Variants in MSI2 observed in about 807,000 individuals in gnomAD.
MSI2 encodes the protein musashi RNA binding protein 2, also known as RNA-binding protein Musashi homolog 2.
MSI2 carries 17 observed loss-of-function variants against 45.6 expected under a neutral mutation model. That is an observed-to-expected ratio of 0.37 (90% confidence interval 0.26 to 0.56). MSI2 has a LOEUF of 0.56. Among genes scored for constraint, MSI2 ranks in the 20% least tolerant of loss-of-function variants. MSI2 has a pLI of 0.77. For synonymous variants in MSI2, 156 were observed against 158.2 expected, an observed-to-expected ratio of 0.99 and a Z score of 0.11; for missense variants, 293 against 444.2, an observed-to-expected ratio of 0.66 and a Z score of 3.06.
chr17:57,430,363 T>C (rs1373257876), intron 6 of MSI2, among the ~76,000 whole-genome samples: 1 of 152,210 alleles, frequency 6.6e-6, no homozygotes, highest in African/African-American at 2.4e-5. Context: ...CTTTCTCTTA[T>C]CATGTGGTTG....
chr17:57,492,410 A>T (rs2332931), intron 6 of MSI2, among the ~76,000 whole-genome samples: 134,956 of 152,272 alleles, frequency 0.89, 59,963 homozygotes, highest in African/African-American at 0.96. Flanking sequence ...GCATTTGACC[A>T]GATCAATACT....
At chr17:57,574,816 T>TTCTC (rs1215258793) in intron 7 of MSI2, among the ~76,000 whole-genome samples, 1 of 150,782 alleles carries the variant, frequency 6.6e-6, no homozygotes, top group South Asian at 2.1e-4. Context: ...AAATTCTGCA[T>TTCTC]TCTCTCTCTC....
intron 7 of MSI2, among the ~76,000 whole-genome samples, chr17:57,571,242 C>T (rs1250252267): frequency 2.0e-5 from 3 of 152,210 alleles, no homozygotes; most frequent in African/African-American, 7.2e-5. Flanking sequence ...CCTTTTACTG[C>T]CTGTCACTGT....
intron 5 of MSI2, among the ~76,000 whole-genome samples, chr17:57,316,409 C>T (rs1348287492): frequency 6.6e-6 from 1 of 151,496 alleles, no homozygotes; most frequent in Non-Finnish European, 1.5e-5. Context: ...CTCACTGTAC[C>T]CTTGACCTCC....
intron 6 of MSI2, among the ~76,000 whole-genome samples, chr17:57,507,223 C>CTGTGTGTG (rs1436640773): frequency 3.6e-4 from 40 of 109,886 alleles, no homozygotes; most frequent in South Asian, 2.3e-3. Context: ...GTCTTTGTCT[C>CTGTGTGTG]TCTGTGTGTG....
chr17:57,403,655 C>T (rs1460500784), intron 6 of MSI2, among the ~76,000 whole-genome samples: 2 of 152,044 alleles, frequency 1.3e-5, no homozygotes, highest in Admixed American at 6.6e-5. Context: ...AGGTTCTGTG[C>T]ATTATTTGTG....
intron 6 of MSI2, among the ~76,000 whole-genome samples, chr17:57,452,550 T>A (rs1238072005): frequency 6.6e-6 from 1 of 152,248 alleles, no homozygotes; most frequent in East Asian, 1.9e-4. Flanking sequence ...TCTGCTTGCT[T>A]CCACTCTGTA....
intron 6 of MSI2, among the ~76,000 whole-genome samples, chr17:57,505,845 G>A (rs1002128555): frequency 2.0e-5 from 3 of 152,220 alleles, no homozygotes; most frequent in African/African-American, 7.2e-5. Flanking sequence ...TTCTGTGGCT[G>A]TAGATTTCTT....
intron 10 of MSI2, among the ~76,000 whole-genome samples, chr17:57,647,448 CAAA>C (rs573792115): frequency 3.1e-5 from 4 of 128,450 alleles, no homozygotes; most frequent in Admixed American, 1.6e-4. Flanking sequence ...GACTCTGTCT[CAAA>C]AAAAAAAAAA....
At chr17:57,700,365 TA>T in the MSI2 span, among the ~76,000 whole-genome samples, 1 of 152,242 alleles carries the variant, frequency 6.6e-6, no homozygotes, top group Non-Finnish European at 1.5e-5. Flanking sequence ...AATGATTCAA[TA>T]GGTGCTTTGA....
In MSI2 at chr17:57,262,000, T is replaced by A. The variant is rs775391579; in HGVS notation, c.271-151T>A. 306 of 742,316 alleles carry A rather than the reference T, an allele frequency of 4.1e-4. 2 individuals carry two copies. Among genetic ancestry groups the A allele is most frequent in the Middle Eastern group, 2.1e-3 (6 of 2,906 alleles). The allele number at this position is 742,316 out of a possible 1,614,324, so 46.0% of individuals were successfully genotyped here. A position where few individuals can be genotyped will look rare whatever the true frequency, so the allele number is the denominator to read the frequency against. On this transcript the variant is annotated intron_variant, in intron 4 of 13. Coordinates refer to ENST00000284073, the MANE Select transcript of MSI2 (RefSeq NM_138962.4). ...GTTGGAGGGATGGTTAAAGTTGAGA[T>A]CAAAGTTTAAGAAACTTTTGAGTTG...
At chr17:57,629,335 A>C (rs1909129056) in intron 10 of MSI2, 1 of 152,256 alleles carries the variant, frequency 6.6e-6, no homozygotes, top group Non-Finnish European at 1.5e-5. Flanking sequence ...AGGCTGAGGC[A>C]AGAGAATCAC....
At chr17:57,279,494 C>T (rs1774818123) in intron 5 of MSI2, 1 of 152,176 alleles carries the variant, frequency 6.6e-6, no homozygotes, top group African/African-American at 2.4e-5. Context: ...TTGATTTGCT[C>T]ATTATGCAAC....
chr17:57,596,875 C>A lies in MSI2; in HGVS notation c.462C>A (p.Gly154=). ...DKTTNRHRGF[G]FVTFENEDVV... is the part of the protein sequence containing the mutation. ...CTCTCTCTTTTCCTTTAGGGTTTGG[C>A]TTTGTCACTTTTGAGAATGAAGATG... Residue 154 remains glycine (G), a synonymous_variant, in exon 8 of 14, where the codon GGC becomes GGA. Transcript: ENST00000284073. The surrounding 1 kb of genome is among the most constrained non-coding windows in gnomAD (Gnocchi z 4.6). 6.2e-7 allele frequency: 1 copy of A among 1,612,218 alleles called. No individual in the cohort carries two copies. Among genetic ancestry groups the A allele is most frequent in the Non-Finnish European group, 8.5e-7 (1 of 1,178,350 alleles).
intron 7 of MSI2, among the ~76,000 whole-genome samples, chr17:57,546,974 G>A (rs2087183481): frequency 6.6e-6 from 1 of 152,242 alleles, no homozygotes. Context: ...GTACTGCTGA[G>A]GGCTAAGAAG....
intron 5 of MSI2, among the ~76,000 whole-genome samples, chr17:57,373,740 TCCATGGCTG>T (rs1256070094): frequency 6.6e-6 from 1 of 152,192 alleles, no homozygotes; most frequent in Non-Finnish European, 1.5e-5. Context: ...TCCGAAGGCC[TCCATGGCTG>T]CCACTGTCCT....
At chr17:57,637,436 G>T (rs1397856803) in intron 10 of MSI2, among the ~76,000 whole-genome samples, 1 of 152,228 alleles carries the variant, frequency 6.6e-6, no homozygotes, top group Non-Finnish European at 1.5e-5. Context: ...TTGCAGAAAT[G>T]AATTGGAGCA....
At chr17:57,312,678 A>G (rs1912497376) in intron 5 of MSI2, among the ~76,000 whole-genome samples, 2 of 152,150 alleles carry the variant, frequency 1.3e-5, no homozygotes, top group African/African-American at 4.8e-5. Flanking sequence ...AAGCCACCAT[A>G]ACTTTTAACT....
At chr17:57,648,387 C>A (rs1383577326) in intron 10 of MSI2, among the ~76,000 whole-genome samples, 1 of 152,196 alleles carries the variant, frequency 6.6e-6, no homozygotes, top group Admixed American at 6.5e-5. Flanking sequence ...AAATGGTCAT[C>A]TCCTTTACAG....
Sources: gnomAD v4.1 joint callset for allele counts (sites outside exome capture counted in the v4.1 genomes callset) on GRCh38, gnomAD v4.1.1 for gene constraint, Gnocchi (gnomAD v3.1) non-coding constraint, MANE v1.5 for transcripts, NCBI Gene and HGNC (gene_info 2026-07-23, HGNC 2026-07-21) for gene names.